Variants in KIF26B observed in about 807,000 individuals in gnomAD.
KIF26B encodes kinesin-like protein KIF26B.
A neutral mutation model predicts 151.2 loss-of-function variants in KIF26B; 63 were observed. The ratio of observed to expected loss-of-function variants is 0.42; its 90% CI spans 0.34 to 0.51. KIF26B has a LOEUF of 0.51. KIF26B is among the 20% of genes least tolerant of loss of function. The pLI, the probability that KIF26B is intolerant of heterozygous loss-of-function variation, is 0.07. For missense variants in KIF26B, 2,813 were observed against 2,913.6 expected (o/e 0.97, Z 0.79); for synonymous variants, 1,357 against 1,262.1 (o/e 1.08, Z -1.59).
At chr1:245,569,042 AGGTGCATCCAG>A (rs2043038496) in intron 5 of KIF26B, among the ~76,000 whole-genome samples, 1 of 152,218 alleles carries the variant, frequency 6.6e-6, no homozygotes, top group South Asian at 2.1e-4. Flanking sequence ...AATAGCTTTA[AGGTGCATCCAG>A]GGTTTGGTTG....
chr1:245,472,548 T>C (rs1294019257), intron 4 of KIF26B, among the ~76,000 whole-genome samples: 1 of 152,244 alleles, frequency 6.6e-6, no homozygotes. Flanking sequence ...AGCATCATGC[T>C]GGTGCTTAAA....
intron 5 of KIF26B, among the ~76,000 whole-genome samples, chr1:245,565,789 A>G (rs2043003814): frequency 6.6e-6 from 1 of 152,236 alleles, no homozygotes; most frequent in South Asian, 2.1e-4. Context: ...TTGCATTACT[A>G]TAAAAAATAC....
At chr1:245,226,445 G>A (rs1044557634) in intron 2 of KIF26B, among the ~76,000 whole-genome samples, 4 of 151,946 alleles carry the variant, frequency 2.6e-5, no homozygotes, top group Non-Finnish European at 5.9e-5. Context: ...GTATTCTTGT[G>A]GAGGGTGCAC....
At chr1:245,595,090 T>C (rs562997727) in intron 5 of KIF26B, among the ~76,000 whole-genome samples, 77 of 152,346 alleles carry the variant, frequency 5.1e-4, no homozygotes, top group African/African-American at 1.8e-3. Context: ...TTTCTAAATA[T>C]AGAATCATGT....
intron 5 of KIF26B, among the ~76,000 whole-genome samples, chr1:245,546,275 G>A (rs569126119): frequency 2.6e-5 from 4 of 152,012 alleles, no homozygotes; most frequent in Non-Finnish European, 5.9e-5. Context: ...GGAGTGCAAT[G>A]GCACGATCTT....
rs1462421078 is a variant in KIF26B, at chr1:245,310,591, G to A, written c.466-56243G>A. ...AAACTATCTTCCCTTTACTCTCAGC[G>A]GTGAAAATGGGGGAGAGATCTGTAT... On this transcript the variant is annotated intron_variant, in intron 2 of 14. Transcript: ENST00000407071. 2.6e-5 allele frequency among the ~76,000 whole-genome samples: 4 copies of A among 152,186 alleles called. No homozygotes were observed. The East Asian group carries it at 5.8e-4, about 22-fold the overall frequency.
intron 4 of KIF26B, among the ~76,000 whole-genome samples, chr1:245,539,185 C>T (rs1344746292): frequency 1.3e-5 from 2 of 152,110 alleles, no homozygotes; most frequent in Non-Finnish European, 2.9e-5. Context: ...TTCAGTTTTA[C>T]AGATGAGAAC....
chr1:245,450,895 A>G (rs1287179078), intron 4 of KIF26B, among the ~76,000 whole-genome samples: 2 of 152,088 alleles, frequency 1.3e-5, no homozygotes, highest in African/African-American at 4.8e-5. Context: ...ATATTTTAAG[A>G]TGAATTTTAA....
intron 4 of KIF26B, among the ~76,000 whole-genome samples, chr1:245,443,396 A>C (rs1659165349): frequency 8.0e-6 from 1 of 125,040 alleles, no homozygotes; most frequent in African/African-American, 3.2e-5. Flanking sequence ...CTCACTGTTC[A>C]CCTAGAGGAG....
rs563265823 is a variant in KIF26B, at chr1:245,311,278, G to A, written c.466-55556G>A. 2.6e-5 allele frequency among the ~76,000 whole-genome samples: 4 copies of A among 152,274 alleles called. No individual in the cohort carries two copies. The East Asian group carries it at 5.8e-4, about 22-fold the overall frequency. On this transcript the variant is annotated intron_variant, in intron 2 of 14. Coordinates refer to ENST00000407071, the MANE Select transcript of KIF26B (RefSeq NM_018012.4). ...GGCCACTATCTCTGCATTGTGGGAG[G>A]GTGGTCCGTGTTGGGTCTGCAGGGT...
At position 245,688,467 on chromosome 1, in the gene KIF26B, G is replaced by A; in HGVS notation, c.5484G>A (p.Glu1828=). 10 of 1,377,272 alleles carry A rather than the reference G, an allele frequency of 7.3e-6. No individual in the cohort carries two copies. The highest frequency in any genetic ancestry group is 9.3e-6 in the Non-Finnish European group (10 of 1,076,900). The allele number at this position is 1,377,272 out of a possible 1,614,324, so 85.3% of individuals were successfully genotyped here. A position where few individuals can be genotyped will look rare whatever the true frequency, so the allele number is the denominator to read the frequency against. ...GCTTGCAGCTGCGGGCCGGGCCCGA[G>A]GCGGAGGCGCGCGGGGGGGCCCTGG... ...ARGLQLRAGP[E]AEARGGALAE... is the part of the protein sequence containing the mutation. Residue 1828 remains glutamate, a synonymous_variant, in exon 12 of 15, where the codon GAG becomes GAA. Coordinates refer to ENST00000407071, the MANE Select transcript of KIF26B (RefSeq NM_018012.4).
chr1:245,299,277 A>G (rs1351393053), intron 2 of KIF26B, among the ~76,000 whole-genome samples: 1 of 149,274 alleles, frequency 6.7e-6, no homozygotes, highest in Non-Finnish European at 1.5e-5. Context: ...AATAAGTGTG[A>G]TCAAATGAAA....
intron 5 of KIF26B, among the ~76,000 whole-genome samples, chr1:245,549,807 A>C (rs571109403): frequency 9.1e-4 from 139 of 151,986 alleles, no homozygotes; most frequent in African/African-American, 2.9e-3. Context: ...TTGAGACAGA[A>C]TCTTGCTCTG....
intron 2 of KIF26B, among the ~76,000 whole-genome samples, chr1:245,351,531 G>A (rs1558398911): frequency 6.6e-6 from 1 of 150,806 alleles, no homozygotes; most frequent in Admixed American, 6.6e-5. Flanking sequence ...GTAATAACAT[G>A]TTATGTTTAT....
intron 5 of KIF26B, among the ~76,000 whole-genome samples, chr1:245,556,338 C>G: frequency 7.6e-6 from 1 of 132,172 alleles, no homozygotes. Flanking sequence ...CCTTCTTCCT[C>G]CTTCCTCCCT....
chr1:245,656,403 A>T (rs144620685), intron 10 of KIF26B, among the ~76,000 whole-genome samples: 1 of 152,224 alleles, frequency 6.6e-6, no homozygotes. Flanking sequence ...CTGCTTTGAT[A>T]TAGAGATGAT....
chr1:245,196,719 C>T (rs1669202126), intron 2 of KIF26B, among the ~76,000 whole-genome samples: 1 of 152,184 alleles, frequency 6.6e-6, no homozygotes, highest in South Asian at 2.1e-4. Context: ...TGATTACTCT[C>T]CTTGGCTCCT....
At chr1:245,299,584 C>T (rs1573760732) in intron 2 of KIF26B, among the ~76,000 whole-genome samples, 2 of 152,256 alleles carry the variant, frequency 1.3e-5, no homozygotes, top group South Asian at 2.1e-4. Flanking sequence ...TCTTTCAGTT[C>T]TTACAACAGT....
At chr1:245,426,773 T>G (rs998727355) in intron 4 of KIF26B, among the ~76,000 whole-genome samples, 1 of 152,214 alleles carries the variant, frequency 6.6e-6, no homozygotes, top group African/African-American at 2.4e-5. Flanking sequence ...TAGTTCCCTG[T>G]GGGGCCTGCT....
Sources: gnomAD v4.1 joint callset for allele counts (sites outside exome capture counted in the v4.1 genomes callset) on GRCh38, gnomAD v4.1.1 for gene constraint, MANE v1.5 for transcripts, NCBI Gene and HGNC (gene_info 2026-07-23, HGNC 2026-07-21) for gene names.